EBF1: variants seen among roughly 807,000 people sequenced by gnomAD.
EBF1 encodes the protein EBF transcription factor 1.
A neutral mutation model predicts 68.4 loss-of-function variants in EBF1; 10 were observed. The ratio of observed to expected loss-of-function variants is 0.15; its 90% confidence interval spans 0.09 to 0.25. EBF1 has a LOEUF of 0.25. Ranked by LOEUF, EBF1 falls within the 10% of genes least tolerant of loss-of-function variation. EBF1 has a pLI of 1.00. For synonymous variants in EBF1, 298 were observed against 299.8 expected, an observed-to-expected ratio of 0.99 and a Z score of 0.06; for missense variants, 509 against 794.4, an observed-to-expected ratio of 0.64 and a Z score of 4.32.
intron 13 of EBF1, 123 bp downstream of exon 13, chr5:158,712,847 A>G: frequency 1.0e-6 from 1 of 999,966 alleles, no homozygotes; most frequent in South Asian, 2.9e-5. Flanking sequence ...TCTTATACAC[A>G]TAAACTAAGA....
At chr5:159,089,364 A>G (rs1036728061) in intron 4 of EBF1, among the ~76,000 whole-genome samples, 1 of 152,150 alleles carries the variant, frequency 6.6e-6, no homozygotes, top group African/African-American at 2.4e-5. Flanking sequence ...CCAATCAATC[A>G]ATATACAAAA....
intron 10 of EBF1, among the ~76,000 whole-genome samples, chr5:158,735,472 G>T (rs993104296): frequency 6.6e-6 from 1 of 152,146 alleles, no homozygotes; most frequent in Non-Finnish European, 1.5e-5. Context: ...GCTTATGGAG[G>T]GGTACATCTG....
At chr5:158,734,937 G>C (rs981340512) in intron 10 of EBF1, among the ~76,000 whole-genome samples, 3 of 152,122 alleles carry the variant, frequency 2.0e-5, no homozygotes, top group African/African-American at 4.8e-5. Flanking sequence ...AGGTTTAGAA[G>C]AATCCATTAT....
At chr5:158,734,352 T>C (rs773410758) in intron 10 of EBF1, among the ~76,000 whole-genome samples, 1 of 152,168 alleles carries the variant, frequency 6.6e-6, no homozygotes, top group Admixed American at 6.5e-5. Flanking sequence ...TATAAAGTAA[T>C]GACATAAGAA....
chr5:158,800,800 GA>G (rs1258937807), intron 8 of EBF1, among the ~76,000 whole-genome samples: 7 of 152,116 alleles, frequency 4.6e-5, no homozygotes, highest in African/African-American at 1.4e-4. Flanking sequence ...ATTTGACTGT[GA>G]AAAGATTTAT....
intron 6 of EBF1, among the ~76,000 whole-genome samples, chr5:158,931,498 A>AT (rs1431201141): frequency 6.6e-6 from 1 of 152,216 alleles, no homozygotes; most frequent in Non-Finnish European, 1.5e-5. Flanking sequence ...TCTCCATCAA[A>AT]ATTTTTAGTC....
intron 6 of EBF1, among the ~76,000 whole-genome samples, chr5:158,937,049 G>T (rs981967842): frequency 6.6e-6 from 1 of 151,942 alleles, no homozygotes; most frequent in East Asian, 1.9e-4. Context: ...ACTGGGGAGG[G>T]TCATTTCAGT....
chr5:159,010,770 C>A (rs565181897), intron 6 of EBF1, among the ~76,000 whole-genome samples: 2 of 152,306 alleles, frequency 1.3e-5, no homozygotes, highest in African/African-American at 4.8e-5. Context: ...TAAGGCTGGA[C>A]CTGTACAGCA....
At chr5:158,954,882 T>TA (rs1451871144) in intron 6 of EBF1, among the ~76,000 whole-genome samples, 1 of 152,200 alleles carries the variant, frequency 6.6e-6, no homozygotes, top group Non-Finnish European at 1.5e-5. Context: ...CTCTAGGACT[T>TA]ACGGAGCCAA....
In EBF1 at chr5:158,698,463, T is replaced by G. The variant is rs1193021043; in HGVS notation, c.*648A>C. On this transcript the variant is annotated 3_prime_UTR_variant, in exon 16 of 16. Transcript: ENST00000313708. ...GGCTGCATTTATTTACACAGTTGCTTAAGACAACAATACAAAAGAGATAAA... is the reference window on the plus strand; with the variant it reads ...GGCTGCATTTATTTACACAGTTGCTGAAGACAACAATACAAAAGAGATAAA... 4.5e-6 allele frequency: 1 copy of G among 220,204 alleles called. No homozygotes were observed. Among genetic ancestry groups the G allele is most frequent in the Non-Finnish European group, 9.1e-6 (1 of 109,608 alleles). The allele number at this position is 220,204 out of a possible 1,614,324, so 13.6% of individuals were successfully genotyped here. A position where few individuals can be genotyped will look rare whatever the true frequency, so the allele number is the denominator to read the frequency against.
chr5:158,931,396 C>A (rs1322243486), intron 6 of EBF1, among the ~76,000 whole-genome samples: 1 of 152,154 alleles, frequency 6.6e-6, no homozygotes, highest in Non-Finnish European at 1.5e-5. Flanking sequence ...TTTCCTTCCT[C>A]ATGGTATTCA....
intron 11 of EBF1, among the ~76,000 whole-genome samples, chr5:158,727,354 C>T (rs1237956573): frequency 6.6e-6 from 1 of 152,184 alleles, no homozygotes; most frequent in Admixed American, 6.5e-5. Context: ...CATTTCTGAC[C>T]TTGAACACAG....
intron 7 of EBF1, among the ~76,000 whole-genome samples, chr5:158,826,930 TA>T (rs1786280880): frequency 6.6e-6 from 1 of 152,192 alleles, no homozygotes; most frequent in Admixed American, 6.5e-5. Flanking sequence ...TTGAAAGAAC[TA>T]GACACAAAAT....
At chr5:158,750,415 T>A (rs1768551815) in intron 10 of EBF1, among the ~76,000 whole-genome samples, 1 of 152,082 alleles carries the variant, frequency 6.6e-6, no homozygotes, top group Admixed American at 6.6e-5. Context: ...GATTTATGAA[T>A]TCCCTCTGAT....
chr5:158,915,973 G>T (rs544154111), intron 6 of EBF1, among the ~76,000 whole-genome samples: 25 of 152,170 alleles, frequency 1.6e-4, no homozygotes, highest in African/African-American at 5.8e-4. Context: ...TTACTGATTC[G>T]CAATGTCCTG....
chr5:158,944,413 G>A (rs1366446525), intron 6 of EBF1, among the ~76,000 whole-genome samples: 1 of 152,090 alleles, frequency 6.6e-6, no homozygotes, highest in Non-Finnish European at 1.5e-5. Context: ...CTTTTTTATG[G>A]CCACATAGTA....
chr5:159,098,070 C>T (rs1245353054), intron 1 of EBF1, among the ~76,000 whole-genome samples: 1 of 152,266 alleles, frequency 6.6e-6, no homozygotes, highest in African/African-American at 2.4e-5. Flanking sequence ...GTTGGGGACA[C>T]TTGTCCCCAG....
chr5:158,753,542 G>T (rs1163827027), intron 10 of EBF1, among the ~76,000 whole-genome samples: 1 of 152,076 alleles, frequency 6.6e-6, no homozygotes, highest in East Asian at 1.9e-4. Flanking sequence ...CCCATGAAGT[G>T]TCTCGACCAC....
At chr5:158,955,635 G>T (rs6420099) in intron 6 of EBF1, among the ~76,000 whole-genome samples, 137,001 of 152,172 alleles carry the variant, frequency 0.9, 62,598 homozygotes, top group Non-Finnish European at 0.99. Flanking sequence ...AGCTCTTCTT[G>T]GAAATCCAGG....
Sources: gnomAD v4.1 joint callset for allele counts (sites outside exome capture counted in the v4.1 genomes callset) on GRCh38, gnomAD v4.1.1 for gene constraint, MANE v1.5 for transcripts, NCBI Gene and HGNC (gene_info 2026-07-23, HGNC 2026-07-21) for gene names.